The following EPB41L4B variants were observed in gnomAD, a reference collection of about 807,000 sequenced individuals.
EPB41L4B encodes band 4.1-like protein 4B.
EPB41L4B carries 30 observed loss-of-function variants against 112.5 expected under a neutral mutation model. The observed-to-expected ratio is 0.27, with a 90% CI of 0.20 to 0.36. The LOEUF (loss-of-function observed/expected upper bound fraction) is 0.36. Ranked by LOEUF, EPB41L4B falls within the 10% of genes least tolerant of loss-of-function variation. EPB41L4B has a pLI of 1.00. For missense variants in EPB41L4B, 1,024 were observed against 1,133.3 expected, an observed-to-expected ratio of 0.90 and a Z score of 1.38; for synonymous variants, 408 against 439.7, an observed-to-expected ratio of 0.93 and a Z score of 0.90.
chr9:109,284,894 T>C (rs1836212233), intron 1 of EPB41L4B, among the ~76,000 whole-genome samples: 1 of 152,224 alleles, frequency 6.6e-6, no homozygotes, highest in South Asian at 2.1e-4. Flanking sequence ...AAGTGTTTCA[T>C]TAGAGAATCT....
chr9:109,247,252 A>G (rs576641694), intron 14 of EPB41L4B, among the ~76,000 whole-genome samples: 1 of 152,302 alleles, frequency 6.6e-6, no homozygotes, highest in African/African-American at 2.4e-5. Context: ...TACATTTAAA[A>G]AAATAAAACA....
intron 1 of EPB41L4B, among the ~76,000 whole-genome samples, chr9:109,306,488 C>T (rs1018677545): frequency 4.6e-5 from 7 of 152,334 alleles, no homozygotes; most frequent in South Asian, 2.1e-4. Context: ...GTGGTAGGCG[C>T]CTGTAATCCC....
chr9:109,188,384 G>C (rs1011539298), intron 22 of EPB41L4B, among the ~76,000 whole-genome samples: 2 of 152,112 alleles, frequency 1.3e-5, no homozygotes, highest in Non-Finnish European at 2.9e-5. Flanking sequence ...GCAGGCCCCA[G>C]GACAGGGTGG....
At position 109,317,251 on chromosome 9, in the gene EPB41L4B, A is replaced by G. The variant is rs186555998; in HGVS notation, c.306+2890T>C. Among the ~76,000 whole-genome samples the G allele has an allele frequency of 1.2e-3, 190 of 152,342 alleles. 1 individual carries two copies. Among genetic ancestry groups the G allele is most frequent in the African/African-American group, 4.3e-3 (178 of 41,576 alleles). Reference sequence around the variant, plus strand: ...CAACAACTGGCCTGTGGCTTTGCCAAGGGACACTGGATCTGAGACCCCATA... The same window carrying G: ...CAACAACTGGCCTGTGGCTTTGCCAGGGGACACTGGATCTGAGACCCCATA... On this transcript the variant is annotated intron_variant, in intron 1 of 25. Transcript: ENST00000374566.
At chr9:109,192,222 C>T in intron 22 of EPB41L4B, 56 bp downstream of exon 22, 2 of 1,423,092 alleles carry the variant, frequency 1.4e-6, no homozygotes, top group African/African-American at 2.8e-5. Context: ...CGTCCCACTG[C>T]CAAGATGTTT....
chr9:109,293,308 A>T (rs68095985), intron 1 of EPB41L4B, among the ~76,000 whole-genome samples: 7,888 of 152,158 alleles, frequency 0.052, 231 homozygotes, highest in Middle Eastern at 0.075. Context: ...TTCTTAGGAC[A>T]TCCCCACAGC....
chr9:109,186,696 G>A (rs374552522), intron 22 of EPB41L4B, among the ~76,000 whole-genome samples: 30 of 152,020 alleles, frequency 2.0e-4, no homozygotes, highest in African/African-American at 7.2e-4. Flanking sequence ...GCCCAGGCTG[G>A]TCTTGAACTC....
chr9:109,278,688 C>T (rs1406583359), intron 2 of EPB41L4B, among the ~76,000 whole-genome samples: 4 of 152,150 alleles, frequency 2.6e-5, no homozygotes, highest in Non-Finnish European at 5.9e-5. Context: ...TCCACCCTTT[C>T]CTCGCCTTTA....
At position 109,304,983 on chromosome 9, in the gene EPB41L4B, C is replaced by T. The variant is rs567331556; in HGVS notation, c.306+15158G>A. 1.8e-4 allele frequency among the ~76,000 whole-genome samples: 28 copies of T among 152,042 alleles called. 1 individual carries two copies. The highest frequency in any genetic ancestry group is 3.9e-4 in the African/African-American group (16 of 41,450). ...AATGATGGTTTCTCAACAATGTCAG[C>T]GTACTAAATGTCACTAATGGTCGAT... On this transcript the variant is annotated intron_variant, in intron 1 of 25. Coordinates refer to ENST00000374566, the MANE Select transcript of EPB41L4B (RefSeq NM_019114.5).
intron 12 of EPB41L4B, among the ~76,000 whole-genome samples, chr9:109,252,057 T>C (rs1159686561): frequency 6.6e-6 from 1 of 151,508 alleles, no homozygotes; most frequent in Non-Finnish European, 1.5e-5. Flanking sequence ...GTCAGTGAAA[T>C]AAGGGAGAGA....
intron 1 of EPB41L4B, among the ~76,000 whole-genome samples, chr9:109,316,566 G>A (rs901511055): frequency 6.6e-6 from 1 of 152,184 alleles, no homozygotes; most frequent in Admixed American, 6.5e-5. Flanking sequence ...TGAGGGTTGG[G>A]CAGGGCTGAG....
At chr9:109,214,298 ACTT>A (rs1833287464) in intron 16 of EPB41L4B, among the ~76,000 whole-genome samples, 1 of 152,178 alleles carries the variant, frequency 6.6e-6, no homozygotes, top group African/African-American at 2.4e-5. Context: ...ATTTGCCACT[ACTT>A]CTCCTTCCAG....
At chr9:109,224,400 C>G (rs1366377140) in intron 15 of EPB41L4B, among the ~76,000 whole-genome samples, 1 of 152,104 alleles carries the variant, frequency 6.6e-6, no homozygotes, top group Non-Finnish European at 1.5e-5. Flanking sequence ...TGTGGATAAA[C>G]TTTGAAAACA....
chr9:109,290,933 C>G (rs746437116), intron 1 of EPB41L4B, among the ~76,000 whole-genome samples: 30 of 152,016 alleles, frequency 2.0e-4, no homozygotes, highest in Non-Finnish European at 4.3e-4. Flanking sequence ...TAAGAAATAC[C>G]ATCTCAGCCA....
intron 1 of EPB41L4B, among the ~76,000 whole-genome samples, chr9:109,312,631 T>C (rs1047384016): frequency 1.3e-5 from 2 of 152,188 alleles, no homozygotes; most frequent in African/African-American, 4.8e-5. Context: ...TAAACCCTGA[T>C]TCTTTCCTCT....
intron 22 of EPB41L4B, among the ~76,000 whole-genome samples, chr9:109,188,114 G>A (rs12376648): frequency 0.086 from 13,081 of 152,048 alleles, 884 homozygotes; most frequent in African/African-American, 0.18. Context: ...TCTGACTCTC[G>A]GGGAAACAGA....
Position 109,181,593 on chromosome 9 carries a change from T to C in EPB41L4B, c.2487+1136A>G, listed in dbSNP as rs566860140. Among the ~76,000 whole-genome samples the C allele has an allele frequency of 1.8e-3, 270 of 152,136 alleles. 1 individual carries two copies. The highest frequency in any genetic ancestry group is 2.3e-3 in the Non-Finnish European group (157 of 67,994). ...GGCTCATGCCTGTAATCTCAGCACA[T>C]TGGGAGGCCAAGGTATGAGGATCAC... On this transcript the variant is annotated intron_variant, in intron 24 of 25. Transcript: ENST00000374566.
chr9:109,212,137 G>C (rs181381000), intron 17 of EPB41L4B, among the ~76,000 whole-genome samples: 4 of 152,134 alleles, frequency 2.6e-5, no homozygotes, highest in African/African-American at 9.7e-5. Context: ...TGTTGTCAAC[G>C]CTCCACCAAT....
rs768120374 is a variant in EPB41L4B at position 109,217,108 on chromosome 9, G to A, written c.1447C>T (p.Arg483Trp). 5.5e-5 allele frequency: 89 copies of A among 1,614,020 alleles called. No individual in the cohort carries two copies. The highest frequency in any genetic ancestry group is 1.3e-4 in the African/African-American group (10 of 74,936). The part of the protein sequence containing the change: ...LPSPVLSSSD[R>W]LPFGIEENGG... ...TTCTCCTCAATGCCAAAAGGCAACC[G>A]GTCCGAGCTGCTAAGCACTGGGGAA... Residue 483 changes from arginine (R) to tryptophan (W), a missense_variant, in exon 16 of 26, where the codon CGG becomes TGG. Transcript: ENST00000374566.
Sources: gnomAD v4.1 joint callset for allele counts (sites outside exome capture counted in the v4.1 genomes callset) on GRCh38, gnomAD v4.1.1 for gene constraint, MANE v1.5 for transcripts, NCBI Gene and HGNC (gene_info 2026-07-23, HGNC 2026-07-21) for gene names.